The following SLC4A4 variants were observed in gnomAD, a reference collection of about 807,000 sequenced individuals.
The protein encoded by SLC4A4 is electrogenic sodium bicarbonate cotransporter 1.
Under a neutral mutation model 111.5 loss-of-function variants are expected in SLC4A4, and 27 were observed. The ratio of observed to expected loss-of-function variants is 0.24; its 90% CI spans 0.18 to 0.33. SLC4A4 has a LOEUF of 0.33. SLC4A4 is among the 10% of genes least tolerant of loss of function. SLC4A4 has a pLI of 1.00. For synonymous variants in SLC4A4, 443 were observed against 463.4 expected (o/e 0.96, Z 0.57); for missense variants, 909 against 1,315.5 (o/e 0.69, Z 4.78).
chr4:71,077,701 T>A (rs1741880173), intron 1 of SLC4A4, among the ~76,000 whole-genome samples: 1 of 152,214 alleles, frequency 6.6e-6, no homozygotes, highest in South Asian at 2.1e-4. Context: ...ATGAAAAAAG[T>A]AAATAAGAAA....
chr4:71,422,030 A>T (rs1359927294), intron 7 of SLC4A4, among the ~76,000 whole-genome samples: 8 of 151,884 alleles, frequency 5.3e-5, no homozygotes, highest in African/African-American at 1.5e-4. Flanking sequence ...ACCCTTCAAA[A>T]AATTAATGAA....
intron 18 of SLC4A4, among the ~76,000 whole-genome samples, chr4:71,539,736 T>A (rs1406204525): frequency 6.6e-6 from 1 of 152,194 alleles, no homozygotes; most frequent in Non-Finnish European, 1.5e-5. Context: ...ATAATTACTT[T>A]ATCCCTTTTC....
chr4:71,106,548 A>C (rs1488882926), intron 2 of SLC4A4, among the ~76,000 whole-genome samples: 3 of 145,910 alleles, frequency 2.1e-5, no homozygotes, highest in African/African-American at 7.7e-5. Context: ...GATAGACTGG[A>C]TTAAGAAAAT....
At chr4:71,312,955 TTCA>T (rs1267063848) in intron 3 of SLC4A4, among the ~76,000 whole-genome samples, 12 of 73,198 alleles carry the variant, frequency 1.6e-4, no homozygotes, top group South Asian at 1.0e-3. Context: ...ATAAAGGGTA[TTCA>T]ATTCAAATAG....
rs182179571 is a variant in SLC4A4 at position 71,152,972 on chromosome 4, T to C, written c.-2+60180T>C. On this transcript the variant is annotated intron_variant, in intron 2 of 26. Coordinates refer to the SLC4A4 transcript ENST00000649996. The stretch of plus-strand genomic sequence containing the variant: ...ATATATATGTGTGTGTGTGTATATA[T>C]ATGTAAATATATATGTGTATATATA... Among the ~76,000 whole-genome samples, 79 of 139,520 alleles carry C rather than the reference T, an allele frequency of 5.7e-4. 1 individual carries two copies. The highest frequency in any genetic ancestry group is 8.8e-4 in the Non-Finnish European group (58 of 65,832). 91.5% of individuals were successfully genotyped at this position (139,520 alleles called of 152,430 possible).
At chr4:71,200,233 CTG>C (rs1746187171) in intron 1 of SLC4A4, among the ~76,000 whole-genome samples, 1 of 152,046 alleles carries the variant, frequency 6.6e-6, no homozygotes, top group Non-Finnish European at 1.5e-5. Context: ...TTGTGAGAAA[CTG>C]TGAACCTGTC....
intron 18 of SLC4A4, among the ~76,000 whole-genome samples, chr4:71,543,640 C>T (rs1170278175): frequency 3.3e-5 from 5 of 151,984 alleles, no homozygotes. Context: ...TGCAGGGTAA[C>T]ATGGGTGACT....
At chr4:71,420,055 TCAAAC>T (rs1560491524) in intron 7 of SLC4A4, among the ~76,000 whole-genome samples, 1 of 152,124 alleles carries the variant, frequency 6.6e-6, no homozygotes. Flanking sequence ...CGGAGGAAAT[TCAAAC>T]CAAAGGCAAA....
At position 71,520,378 on chromosome 4, in the gene SLC4A4, G is replaced by A. The variant is rs376259252; in HGVS notation, c.2167-11684G>A. ...TTATTAGTCAGATCAACCAGCACAA[G>A]GTCGGATACAGACTAAGTACTCAAT... is the stretch of plus-strand genomic sequence containing the variant. On this transcript the variant is annotated intron_variant, in intron 16 of 25. Coordinates refer to ENST00000264485, the MANE Select transcript of SLC4A4 (RefSeq NM_001098484.3). Among the ~76,000 whole-genome samples, 64 of 152,304 alleles carry A rather than the reference G, an allele frequency of 4.2e-4. 1 individual carries two copies. In the South Asian group the frequency reaches 0.01, roughly 25 times the overall value.
chr4:71,404,970 T>C (rs1720710248), intron 7 of SLC4A4, among the ~76,000 whole-genome samples: 1 of 151,760 alleles, frequency 6.6e-6, no homozygotes, highest in Admixed American at 6.6e-5. Context: ...TAATTTTTTT[T>C]TTGTGTATAT....
At chr4:71,563,420 C>T (rs1737168766) in intron 23 of SLC4A4, among the ~76,000 whole-genome samples, 1 of 151,754 alleles carries the variant, frequency 6.6e-6, no homozygotes, top group South Asian at 2.1e-4. Flanking sequence ...AATTTCAAGA[C>T]CGTATTATAA....
chr4:71,318,820 GTT>G (rs201579524), intron 3 of SLC4A4, among the ~76,000 whole-genome samples: 3 of 133,734 alleles, frequency 2.2e-5, no homozygotes, highest in Admixed American at 7.5e-5. Context: ...GAAAAATTAA[GTT>G]TTTTTTTTTT....
chr4:71,135,534 G>T (rs1050021950), intron 2 of SLC4A4, among the ~76,000 whole-genome samples: 1 of 152,106 alleles, frequency 6.6e-6, no homozygotes, highest in Non-Finnish European at 1.5e-5. Context: ...GACCTCAGGT[G>T]ATCCATCTGC....
At chr4:71,552,427 C>T (rs1294785944) in intron 20 of SLC4A4, among the ~76,000 whole-genome samples, 1 of 151,694 alleles carries the variant, frequency 6.6e-6, no homozygotes, top group Non-Finnish European at 1.5e-5. Context: ...GGTCTCACTG[C>T]TGTACTGAAT....
chr4:71,549,669 T>A (rs974671646), intron 20 of SLC4A4, among the ~76,000 whole-genome samples: 1 of 151,908 alleles, frequency 6.6e-6, no homozygotes, highest in Non-Finnish European at 1.5e-5. Context: ...TACAGCAAAT[T>A]GGCTTTATTC....
intron 12 of SLC4A4, among the ~76,000 whole-genome samples, chr4:71,465,213 T>C (rs1028939898): frequency 6.6e-6 from 1 of 152,102 alleles, no homozygotes; most frequent in African/African-American, 2.4e-5. Context: ...GAGAGAACTC[T>C]TCCTATACCA....
chr4:71,230,367 A>C (rs1200725942), intron 1 of SLC4A4, among the ~76,000 whole-genome samples: 1 of 152,226 alleles, frequency 6.6e-6, no homozygotes, highest in East Asian at 1.9e-4. Context: ...AAAATGGCTA[A>C]TAATAAAACT....
chr4:71,301,068 A>C, intron 3 of SLC4A4: 4 of 393,390 alleles, frequency 1.0e-5, no homozygotes, highest in Non-Finnish European at 2.1e-5. Context: ...TGGTCAACTC[A>C]GCTCCACAGC....
intron 6 of SLC4A4, among the ~76,000 whole-genome samples, chr4:71,366,350 T>TGTGTGTGTGTGC (rs1355396197): frequency 4.0e-5 from 6 of 151,854 alleles, no homozygotes; most frequent in Non-Finnish European, 8.8e-5. Flanking sequence ...TGTGTGTGTG[T>TGTGTGTGTGTGC]GTGTGTATCT....
Sources: gnomAD v4.1 joint callset for allele counts (sites outside exome capture counted in the v4.1 genomes callset) on GRCh38, gnomAD v4.1.1 for gene constraint, MANE v1.5 for transcripts, NCBI Gene and HGNC (gene_info 2026-07-23, HGNC 2026-07-21) for gene names.